NEB: variants seen among roughly 807,000 people sequenced by gnomAD.
NEB encodes nebulin.
Under a neutral mutation model 952.2 loss-of-function variants are expected in NEB, and 512 were observed. The observed-to-expected ratio is 0.54, with a 90% CI of 0.50 to 0.58. The LOEUF (loss-of-function observed/expected upper bound fraction) is 0.58. Ranked by LOEUF, NEB falls within the 20% of genes least tolerant of loss-of-function variation. The pLI, the probability that NEB is intolerant of heterozygous loss-of-function variation, is 0.00. For synonymous variants in NEB, 2,900 were observed against 3,149.8 expected, an observed-to-expected ratio of 0.92 and a Z score of 2.66; for missense variants, 8,428 against 9,231.1, an observed-to-expected ratio of 0.91 and a Z score of 3.56.
chr2:151,651,805 G>A (rs904415228), intron 52 of NEB, among the ~76,000 whole-genome samples: 2 of 152,154 alleles, frequency 1.3e-5, no homozygotes, highest in Admixed American at 1.3e-4. Flanking sequence ...ATATTCAGGA[G>A]TTTAAGTGGA....
intron 124 of NEB, 30 bp from the exon 125 acceptor site, chr2:151,555,074 A>C (rs1307255266): frequency 2.2e-6 from 3 of 1,390,618 alleles, no homozygotes; most frequent in African/African-American, 2.8e-5. Flanking sequence ...AGGAAGAAAC[A>C]GTTTTAGAGA....
intron 162 of NEB, chr2:151,507,666 C>T (rs1046019937): frequency 3.3e-5 from 8 of 242,694 alleles, no homozygotes; most frequent in East Asian, 8.7e-5. Flanking sequence ...TTTGGGTAGT[C>T]ATTTCTGAAG....
At chr2:151,552,037 G>A (rs1033711966) in intron 128 of NEB, among the ~76,000 whole-genome samples, 192 bp from the exon 129 acceptor site, 1 of 152,164 alleles carries the variant, frequency 6.6e-6, no homozygotes, top group African/African-American at 2.4e-5. Context: ...CCAGGCACAA[G>A]AAGAGGAAGG....
At chr2:151,527,182 C>T (rs1188041997) in intron 147 of NEB, among the ~76,000 whole-genome samples, 160 bp from the exon 148 acceptor site, 1 of 152,112 alleles carries the variant, frequency 6.6e-6, no homozygotes, top group Non-Finnish European at 1.5e-5. Flanking sequence ...TTTTGGACTC[C>T]TCCTTTTCAG....
At chr2:151,535,357 T>G (rs2092921194) in intron 142 of NEB, among the ~76,000 whole-genome samples, 1 of 152,194 alleles carries the variant, frequency 6.6e-6, no homozygotes, top group Non-Finnish European at 1.5e-5. Flanking sequence ...ATATAGATTG[T>G]GTAATATATA....
At position 151,533,803 on chromosome 2, in the gene NEB, T is replaced by C. The variant is rs528982427; in HGVS notation, c.21313-257A>G. Among the ~76,000 whole-genome samples, 5 of 152,386 alleles carry C rather than the reference T, an allele frequency of 3.3e-5. No individual in the cohort carries two copies. The South Asian group carries it at 1.0e-3, about 32-fold the overall frequency. On this transcript the variant is annotated intron_variant, in intron 142 of 181. Coordinates refer to ENST00000397345, the MANE Select transcript of NEB (RefSeq NM_001164508.2). ...ACTTACGTTACCACCAAAATAGCTT[T>C]ATAGAAAAGAAGACATCTTTGGAAT...
At position 151,496,942 on chromosome 2, in the gene NEB, G is replaced by A. The variant is rs760687709; in HGVS notation, c.24392C>T (p.Ser8131Leu). The change falls in exon 172 of 182, where the codon TCG becomes TTG. Residue 8131 changes from serine (S) to leucine (L), a missense_variant and splice_region_variant. Physicochemically the swap from Ser to Leu is moderately radical, Grantham distance 145. Coordinates refer to ENST00000397345, the MANE Select transcript of NEB (RefSeq NM_001164508.2). Reference sequence around the variant, plus strand: ...TTTTTTCTTTTCTTGCCCAAGTACCGAGCTAATATTTTCTTGATTGTGTTT... The same window carrying A: ...TTTTTTCTTTTCTTGCCCAAGTACCAAGCTAATATTTTCTTGATTGTGTTT... ...RVKHNQENISSVLYKENMGKG... is the reference protein window; with the variant it reads ...RVKHNQENISLVLYKENMGKG... 9.6e-6 allele frequency: 15 copies of A among 1,570,120 alleles called. No individual in the cohort carries two copies. In the Middle Eastern group the frequency reaches 6.6e-4, roughly 69 times the overall value.
chr2:151,654,034 A>C lies in NEB; in HGVS notation c.6873T>G (p.Ile2291Met), dbSNP rs1265000238. The change falls in exon 52 of 182, where the codon ATT becomes ATG. Residue 2291 changes from isoleucine (I) to methionine (M), a missense_variant. Physicochemically the swap from Ile to Met is conservative, Grantham distance 10 (BLOSUM62 1). Coordinates refer to ENST00000397345, the MANE Select transcript of NEB (RefSeq NM_001164508.2). ...TTGAAGCTTTAGCTAGCTGTACAGA[A>C]ATTGCATCAACTGGGAGATCATAGC... is the stretch of plus-strand genomic sequence containing the variant. ...KKGYDLPVDA[I>M]SVQLAKASRD... 6.2e-7 allele frequency: 1 copy of C among 1,612,792 alleles called. No homozygotes were observed. The highest frequency in any genetic ancestry group is 1.7e-5 in the Admixed American group (1 of 59,928).
At chr2:151,627,926 A>T in intron 68 of NEB, 92 bp from the exon 69 acceptor site, 2 of 1,447,098 alleles carry the variant, frequency 1.4e-6, no homozygotes, top group Non-Finnish European at 1.9e-6. Flanking sequence ...AAAATTGCTA[A>T]TTCTTGCAGA....
At chr2:151,621,217 G>A (rs139266987) in intron 71 of NEB, among the ~76,000 whole-genome samples, 191 bp from the exon 72 acceptor site, 82 of 152,214 alleles carry the variant, frequency 5.4e-4, no homozygotes, top group Non-Finnish European at 6.9e-4. Context: ...TTCACATTCA[G>A]CAAGTTTTAA....
At chr2:151,503,179 C>G (rs757055441) in intron 166 of NEB, 170 bp downstream of exon 166, 1 of 606,982 alleles carries the variant, frequency 1.6e-6, no homozygotes, top group South Asian at 2.1e-5. Flanking sequence ...CAAGTATAAT[C>G]GGAAATGTGA....
At chr2:151,734,196 G>C (rs1438870759) in intron 1 of NEB, among the ~76,000 whole-genome samples, 2 of 152,282 alleles carry the variant, frequency 1.3e-5, no homozygotes, top group East Asian at 3.9e-4. Context: ...AAATTGGTTA[G>C]CAAAGGACTT....
chr2:151,698,064 T>TCAAAA (rs56333529), intron 13 of NEB, among the ~76,000 whole-genome samples: 33,988 of 150,584 alleles, frequency 0.23, 4,535 homozygotes, highest in East Asian at 0.39. Context: ...AGACTCCGTC[T>TCAAAA]CAAAACAAAA....
intron 44 of NEB, among the ~76,000 whole-genome samples, chr2:151,664,206 A>G (rs183775853): frequency 8.3e-4 from 127 of 152,374 alleles, no homozygotes; most frequent in African/African-American, 2.8e-3. Context: ...GGGCCTGGCC[A>G]TGGGCCTCCT....
chr2:151,624,025 A>C (rs1162716490), intron 71 of NEB, among the ~76,000 whole-genome samples: 1 of 152,200 alleles, frequency 6.6e-6, no homozygotes, highest in Non-Finnish European at 1.5e-5. Flanking sequence ...GAGGAAAAAA[A>C]CAGATGTGTT....
chr2:151,697,594 C>T lies in NEB; in HGVS notation c.1207G>A (p.Glu403Lys), dbSNP rs771496288. The T allele has an allele frequency of 1.1e-5, 18 of 1,612,932 alleles. No individual in the cohort carries two copies. The highest frequency in any genetic ancestry group is 1.6e-4 in the Middle Eastern group (1 of 6,078). Reference protein sequence around the residue: ...KTKAKSINYCETPKFKLDTVL... With the variant: ...KTKAKSINYCKTPKFKLDTVL... ...GTATCGAGCTTGAATTTGGGGGTCT[C>T]GCAGTAATTTATGCTCTTTGCTTTT... The change falls in exon 14 of 182, where the codon GAG (glutamate) becomes AAG (lysine). Residue 403 changes from glutamate (E) to lysine (K), a missense_variant. This residue lies in a region of NEB where 2,851 missense variants were observed against 2,791.5 expected (regional missense o/e 1.02). Coordinates refer to ENST00000397345, the MANE Select transcript of NEB (RefSeq NM_001164508.2).
intron 9 of NEB, among the ~76,000 whole-genome samples, chr2:151,721,710 A>C (rs1178950969): frequency 6.6e-6 from 1 of 152,244 alleles, no homozygotes; most frequent in Non-Finnish European, 1.5e-5. Flanking sequence ...CCAGGTGTGC[A>C]TGCATAATAG....
At chr2:151,657,027 GA>G (rs2099092945) in intron 48 of NEB, among the ~76,000 whole-genome samples, 1 of 152,152 alleles carries the variant, frequency 6.6e-6, no homozygotes, top group South Asian at 2.1e-4. Flanking sequence ...TAATGGGGAA[GA>G]AATTGTACTA....
chr2:151,666,077 AACCAGT>A lies in NEB; in HGVS notation c.5031+7_5031+12del, dbSNP rs1294800752. On this transcript the variant is annotated splice_region_variant and intron_variant, in intron 41 of 181. Transcript: ENST00000397345. ...CATTAGAAATGGATAACAACTTGGT[AACCAGT>A]ACATACATCACTCTGAATCTGCATG... 2 of 1,596,682 alleles carry A rather than the reference AACCAGT, an allele frequency of 1.3e-6. No individual in the cohort carries two copies. Among genetic ancestry groups the A allele is most frequent in the African/African-American group, 2.7e-5 (2 of 74,604 alleles).
Sources: gnomAD v4.1 joint callset for allele counts (sites outside exome capture counted in the v4.1 genomes callset) on GRCh38, gnomAD v4.1.1 for gene constraint, gnomAD v4.1.1 regional missense constraint, MANE v1.5 for transcripts, NCBI Gene and HGNC (gene_info 2026-07-23, HGNC 2026-07-21) for gene names.